Variants in NOTCH3 observed in about 807,000 individuals in gnomAD.
NOTCH3 encodes notch receptor 3.
NOTCH3 carries 86 observed loss-of-function variants against 213.3 expected under a neutral mutation model. The observed-to-expected ratio is 0.40, with a 90% CI of 0.34 to 0.48. The LOEUF (loss-of-function observed/expected upper bound fraction) is 0.48. Ranked by LOEUF, NOTCH3 falls within the 20% of genes least tolerant of loss-of-function variation. NOTCH3 has a pLI of 0.57. For synonymous variants in NOTCH3, 1,354 were observed against 1,355.9 expected (o/e 1.00, Z 0.03); for missense variants, 2,783 against 3,272.6 (o/e 0.85, Z 3.65).
At position 15,185,157 on chromosome 19, in the gene NOTCH3, A is replaced by G; in HGVS notation, c.2296+100T>C. 1.3e-6 allele frequency: 2 copies of G among 1,517,138 alleles called. No individual in the cohort carries two copies. Among genetic ancestry groups the G allele is most frequent in the Non-Finnish European group, 9.1e-7 (1 of 1,100,754 alleles). 94.0% of individuals were successfully genotyped at this position (1,517,138 alleles called of 1,614,324 possible). ...CTCCTGGAGGGAAATGATTGAAAGCAAAAAAGAAGCTAACATAGCGGGAGG... is the reference window on the plus strand; with the variant it reads ...CTCCTGGAGGGAAATGATTGAAAGCGAAAAAGAAGCTAACATAGCGGGAGG... On this transcript the variant is annotated intron_variant, in intron 14 of 32. Transcript: ENST00000263388. This position sits in a 1 kb window ranked among gnomAD's most constrained non-coding sequence, Gnocchi z 4.2.
chr19:15,191,022 A>C (rs563086749), intron 6 of NOTCH3, among the ~76,000 whole-genome samples: 5 of 151,678 alleles, frequency 3.3e-5, no homozygotes, highest in Admixed American at 3.3e-4. Flanking sequence ...TGCCCGGCCT[A>C]GCATAATCTT....
chr19:15,165,600 AC>A lies in NOTCH3; in HGVS notation c.5668-86del. 7.6e-7 allele frequency: 1 copy of A among 1,318,498 alleles called. No homozygotes were observed. The highest frequency in any genetic ancestry group is 1.0e-6 in the Non-Finnish European group (1 of 964,128). 81.7% of individuals were successfully genotyped at this position (1,318,498 alleles called of 1,614,324 possible). ...ACCCCTAAGTCCCATGAAGTCCCCAACCCCCATACCCCAACCCCTGAAATTG... is the reference window on the plus strand; with the variant it reads ...ACCCCTAAGTCCCATGAAGTCCCCAACCCCATACCCCAACCCCTGAAATTG... On this transcript the variant is annotated intron_variant, in intron 30 of 32. Coordinates refer to ENST00000263388, the MANE Select transcript of NOTCH3 (RefSeq NM_000435.3). The surrounding 1 kb of genome is among the most constrained non-coding windows in gnomAD (Gnocchi z 4.7).
At chr19:15,173,867 A>G (rs2145408081) in intron 25 of NOTCH3, among the ~76,000 whole-genome samples, 1 of 152,326 alleles carries the variant, frequency 6.6e-6, no homozygotes, top group Non-Finnish European at 1.5e-5. Context: ...GCCTCCCCAC[A>G]AGCCAGCACT....
Position 15,179,501 on chromosome 19 carries a change from AG to A in NOTCH3, c.3328-6del. ...ACCATTGTAGCCAGGAAGACACTTCAGTGGGGTAAGAGAGGGACCCACTCAG... is the reference window on the plus strand; with the variant it reads ...ACCATTGTAGCCAGGAAGACACTTCATGGGGTAAGAGAGGGACCCACTCAG... On this transcript the variant is annotated splice_region_variant and splice_polypyrimidine_tract_variant and intron_variant, in intron 20 of 32. Transcript: ENST00000263388. 1.9e-6 allele frequency: 3 copies of A among 1,613,844 alleles called. No individual in the cohort carries two copies. The highest frequency in any genetic ancestry group is 2.5e-6 in the Non-Finnish European group (3 of 1,180,002).
chr19:15,180,319 C>T (rs1166554725), intron 19 of NOTCH3, 63 bp from the exon 20 acceptor site: 2 of 1,552,532 alleles, frequency 1.3e-6, no homozygotes, highest in Non-Finnish European at 1.8e-6. Context: ...CTGCCTCCAT[C>T]ACACAGATCA....
chr19:15,163,428 ATAAGAG>A (rs1415610950), intron 31 of NOTCH3, among the ~76,000 whole-genome samples: 1 of 152,272 alleles, frequency 6.6e-6, no homozygotes, highest in Non-Finnish European at 1.5e-5. Context: ...AGAAGAAAAC[ATAAGAG>A]TAAATCTTCA....
intron 2 of NOTCH3, among the ~76,000 whole-genome samples, chr19:15,195,784 C>A (rs1031144741): frequency 1.8e-3 from 270 of 151,620 alleles, no homozygotes; most frequent in Admixed American, 4.1e-3. Context: ...AGGGCGCGAC[C>A]CGCGCGGGCC....
chr19:15,192,251 G>T lies in NOTCH3; in HGVS notation c.388C>A (p.His130Asn). ...GGCCCCACTGAGCAGCGGGCACCGT[G>T]GGCACAAGGGCTGCTGAGGCAGGGA... ...PDPCLSSPCAHGARCSVGPDG... is the reference protein window; with the variant it reads ...PDPCLSSPCANGARCSVGPDG... The change falls in exon 4 of 33, where the codon CAC becomes AAC. Residue 130 changes from histidine (H) to asparagine (N), a missense_variant. This residue lies in a region of NOTCH3 where 708 missense variants were observed against 906.6 expected (regional missense o/e 0.78). Coordinates refer to ENST00000263388, the MANE Select transcript of NOTCH3 (RefSeq NM_000435.3). 1 of 1,601,954 alleles carries T rather than the reference G, an allele frequency of 6.2e-7. No homozygotes were observed. The highest frequency in any genetic ancestry group is 2.3e-5 in the East Asian group (1 of 44,294).
Position 15,184,916 on chromosome 19 carries a change from C to G in NOTCH3, c.2400G>C (p.Gln800His). The change falls in exon 15 of 33, where the codon CAG becomes CAC. Residue 800 changes from glutamine to histidine, a missense_variant. Physicochemically the swap from Gln to His is conservative, Grantham distance 24. This residue lies in a region of NOTCH3 where 861 missense variants were observed against 909.1 expected (regional missense o/e 0.95). Coordinates refer to ENST00000263388, the MANE Select transcript of NOTCH3 (RefSeq NM_000435.3). ...AAGCAGGTGGCATACCTTGCCAGCC[C>G]TGGGGGCAGGAGCAGACAGGCAGCT... Reference protein sequence around the residue: ...PGQLPVCSCPQGWQGPRCQQD... With the variant: ...PGQLPVCSCPHGWQGPRCQQD... 1 of 1,547,258 alleles carries G rather than the reference C, an allele frequency of 6.5e-7. No homozygotes were observed. The highest frequency in any genetic ancestry group is 8.7e-7 in the Non-Finnish European group (1 of 1,143,536).
rs750631177 is a variant in NOTCH3 at position 15,160,927 on chromosome 19, C to A, written c.6701G>T (p.Arg2234Leu). The change falls in exon 33 of 33, where the codon CGC becomes CTC. Residue 2234 changes from arginine (R) to leucine (L), a missense_variant. Coordinates refer to ENST00000263388, the MANE Select transcript of NOTCH3 (RefSeq NM_000435.3). ...GTGCTCACTGGGAACCCGCAGGAAG[C>A]GGGCCTTTGGGGGGCTGCTGTGTGC... ...AGAHSSPPKARFLRVPSEHPY... is the reference protein window; with the variant it reads ...AGAHSSPPKALFLRVPSEHPY... 1.2e-6 allele frequency: 2 copies of A among 1,603,428 alleles called. No individual in the cohort carries two copies. Among genetic ancestry groups the A allele is most frequent in the African/African-American group, 1.3e-5 (1 of 74,856 alleles).
At position 15,190,108 on chromosome 19, in the gene NOTCH3, TA is replaced by T; in HGVS notation, c.1037-681del. ...TGGGCAATATAGTGAGACCCGTCTC[TA>T]CAAAAAATACAAAGCTTAGCCGGGC... On this transcript the variant is annotated intron_variant, in intron 6 of 32. Transcript: ENST00000263388. 4.1e-5 allele frequency among the ~76,000 whole-genome samples: 6 copies of T among 147,360 alleles called. 1 individual carries two copies. Among genetic ancestry groups the T allele is most frequent in the Admixed American group, 4.0e-4 (6 of 15,112 alleles).
chr19:15,178,301 T>C (rs2145416141), intron 23 of NOTCH3: 1 of 536,870 alleles, frequency 1.9e-6, no homozygotes, highest in Non-Finnish European at 3.3e-6. Context: ...ACCTGGCAGA[T>C]AAGCCCTGCC....
At chr19:15,183,201 C>T (rs1032465228) in intron 16 of NOTCH3, among the ~76,000 whole-genome samples, 1 of 151,948 alleles carries the variant, frequency 6.6e-6, no homozygotes, top group African/African-American at 2.4e-5. Flanking sequence ...CTGCACTGAG[C>T]CAAGATCGCA....
rs760880486 is a variant in NOTCH3, at chr19:15,161,001, C to T, written c.6627G>A (p.Pro2209=). 1.5e-5 allele frequency: 23 copies of T among 1,547,200 alleles called. No individual in the cohort carries two copies. Among genetic ancestry groups the T allele is most frequent in the East Asian group, 2.4e-5 (1 of 42,140 alleles). ...GTPVSPQERP[P]PYLAVPGHGE... ...CATGTCCTGGGACTGCCAGGTAAGG[C>T]GGGGGCCGCTCCTGCGGGGAGACGG... is the stretch of plus-strand genomic sequence containing the variant. Residue 2209 remains proline (P), a synonymous_variant, in exon 33 of 33, where the codon CCG becomes CCA. Coordinates refer to ENST00000263388, the MANE Select transcript of NOTCH3 (RefSeq NM_000435.3).
rs34338511 is a variant in NOTCH3, at chr19:15,184,354, G to A, written c.2507C>T (p.Thr836Ile). Residue 836 changes from threonine to isoleucine, a missense_variant, in exon 16 of 33, where the codon ACC becomes ATC. Thr to Ile is a moderately conservative substitution (Grantham distance 89, BLOSUM62 -1). Coordinates refer to ENST00000263388, the MANE Select transcript of NOTCH3 (RefSeq NM_000435.3). ...CTNLAGSFSC[T>I]CHGGYTGPSC... The stretch of plus-strand genomic sequence containing the variant: ...AGGGCCAGTGTACCCTCCATGGCAG[G>A]TGCAGCTGAAACTCCCTGCCAGGTT... 615 of 1,613,910 alleles carry A rather than the reference G, an allele frequency of 3.8e-4. 3 individuals carry two copies. The African/African-American group carries it at 7.4e-3, about 19-fold the overall frequency.
rs2046896360 is a variant in NOTCH3, at chr19:15,187,870, G to C, written c.1606+11C>G. 6.5e-7 allele frequency: 1 copy of C among 1,543,524 alleles called. No homozygotes were observed. Among genetic ancestry groups the C allele is most frequent in the Admixed American group, 2.0e-5 (1 of 50,968 alleles). ...CCTGATTCTTGTCGGACTGTCATTG[G>C]CCCGCCTCACCCTCGGCACAGCGGC... On this transcript the variant is annotated intron_variant, in intron 10 of 32. Transcript: ENST00000263388.
At position 15,185,797 on chromosome 19, in the gene NOTCH3, C is replaced by T. The variant is rs551854968; in HGVS notation, c.1952-118G>A. On this transcript the variant is annotated intron_variant, in intron 12 of 32. Coordinates refer to ENST00000263388, the MANE Select transcript of NOTCH3 (RefSeq NM_000435.3). The surrounding 1 kb of genome is among the most constrained non-coding windows in gnomAD (Gnocchi z 4.2). Reference sequence around the variant, plus strand: ...CCGAGCAATGACCTCTTTTTCATAACGCATCAGCTCTTGTGCAGATTAGGA... The same window carrying T: ...CCGAGCAATGACCTCTTTTTCATAATGCATCAGCTCTTGTGCAGATTAGGA... The T allele has an allele frequency of 2.4e-5, 23 of 958,880 alleles. No individual in the cohort carries two copies. Among genetic ancestry groups the T allele is most frequent in the Non-Finnish European group, 3.4e-5 (21 of 616,980 alleles). The allele number at this position is 958,880 out of a possible 1,614,324, so 59.4% of individuals were successfully genotyped here.
At chr19:15,178,624 A>G in intron 23 of NOTCH3, 199 bp downstream of exon 23, 1 of 625,066 alleles carries the variant, frequency 1.6e-6, no homozygotes, top group Non-Finnish European at 2.9e-6. Context: ...GCCTCAAGTG[A>G]TCCTCCCGCC....
chr19:15,189,810 C>T (rs533667308), intron 6 of NOTCH3, among the ~76,000 whole-genome samples: 3 of 152,130 alleles, frequency 2.0e-5, no homozygotes, highest in Admixed American at 6.5e-5. Flanking sequence ...TGAGCCACCG[C>T]GCCCGGCCTG....
Sources: allele counts gnomAD v4.1 joint callset (sites outside exome capture counted in the v4.1 genomes callset), GRCh38; gene constraint gnomAD v4.1.1; regional missense constraint gnomAD v4.1.1; non-coding constraint Gnocchi (gnomAD v3.1); transcripts MANE v1.5; gene names NCBI Gene and HGNC (gene_info 2026-07-23, HGNC 2026-07-21).